CAST: variants seen among roughly 807,000 people sequenced by gnomAD.
CAST encodes the protein calpastatin.
Under a neutral mutation model 119.6 loss-of-function variants are expected in CAST, and 76 were observed. The ratio of observed to expected loss-of-function variants is 0.64; its 90% CI spans 0.53 to 0.77. CAST has a LOEUF of 0.77. Among genes scored for constraint, CAST ranks in the 30% least tolerant of loss-of-function variants. CAST has a pLI of 0.00. For missense variants in CAST, 953 were observed against 946.5 expected (o/e 1.01, Z -0.09); for synonymous variants, 319 against 331.6 (o/e 0.96, Z 0.41).
the CAST span, among the ~76,000 whole-genome samples, chr5:96,375,903 A>G: frequency 2.0e-5 from 3 of 147,038 alleles, no homozygotes; most frequent in Non-Finnish European, 4.5e-5. Flanking sequence ...CTCTCTCTAT[A>G]TATATATATA....
chr5:96,670,244 T>A (rs184432556), intron 1 of CAST, among the ~76,000 whole-genome samples: 2 of 152,184 alleles, frequency 1.3e-5, no homozygotes, highest in African/African-American at 4.8e-5. Context: ...TTCAAATAAA[T>A]CACCCACCAA....
the CAST span, among the ~76,000 whole-genome samples, chr5:96,360,578 G>A: frequency 6.6e-5 from 10 of 152,204 alleles, no homozygotes; most frequent in South Asian, 8.3e-4. Context: ...TCCTCCTGAC[G>A]GTCAGGCTCC....
the CAST span, among the ~76,000 whole-genome samples, chr5:96,258,849 G>A: frequency 6.6e-6 from 1 of 152,208 alleles, no homozygotes; most frequent in Admixed American, 6.5e-5. Context: ...GGCCACATTT[G>A]AAGAGTATAA....
At chr5:96,762,488 C>T in intron 25 of CAST, 116 bp downstream of exon 25, 1 of 634,530 alleles carries the variant, frequency 1.6e-6, no homozygotes, top group Non-Finnish European at 2.7e-6. Flanking sequence ...GAAGATCAGG[C>T]ACCTTCTATT....
chr5:96,204,793 T>C, the CAST span, among the ~76,000 whole-genome samples: 2 of 151,974 alleles, frequency 1.3e-5, no homozygotes, highest in African/African-American at 4.8e-5. Context: ...ACAGTGGTAA[T>C]ACCATATCAG....
chr5:96,167,387 T>G, the CAST span, among the ~76,000 whole-genome samples: 2 of 152,128 alleles, frequency 1.3e-5, no homozygotes, highest in Middle Eastern at 6.3e-3. Context: ...ACAAGTTTTT[T>G]GGGGCGCAGT....
the CAST span, among the ~76,000 whole-genome samples, chr5:96,352,138 C>G: frequency 1.6e-4 from 25 of 152,262 alleles, no homozygotes; most frequent in African/African-American, 6.0e-4. Context: ...CATGAAGAGC[C>G]TTTCTCCAAG....
chr5:96,232,495 T>A, the CAST span, among the ~76,000 whole-genome samples: 1 of 152,170 alleles, frequency 6.6e-6, no homozygotes, highest in South Asian at 2.1e-4. Context: ...TTGGAAAACC[T>A]AAGAAAATCT....
chr5:96,173,521 G>A, the CAST span, among the ~76,000 whole-genome samples: 1 of 152,200 alleles, frequency 6.6e-6, no homozygotes, highest in Non-Finnish European at 1.5e-5. Flanking sequence ...ATACCCTCAT[G>A]TAGTAATACC....
At chr5:96,395,162 G>T in the CAST span, 1 of 742,688 alleles carries the variant, frequency 1.3e-6, no homozygotes, top group Non-Finnish European at 2.3e-6. Flanking sequence ...GAAACCATTG[G>T]ATCCACTCTT....
the CAST span, among the ~76,000 whole-genome samples, chr5:96,243,049 A>G: frequency 2.6e-5 from 4 of 152,336 alleles, no homozygotes; most frequent in East Asian, 7.7e-4. Flanking sequence ...AATTTGTAAC[A>G]TAAATCTTGG....
chr5:96,599,571 G>C (rs17086339), intron 1 of CAST, among the ~76,000 whole-genome samples: 12,121 of 152,014 alleles, frequency 0.08, 892 homozygotes, highest in East Asian at 0.3. Flanking sequence ...TCATTCTTCA[G>C]GCCATCATGA....
At chr5:96,420,765 AAG>A in the CAST span, among the ~76,000 whole-genome samples, 1 of 145,602 alleles carries the variant, frequency 6.9e-6, no homozygotes, top group Non-Finnish European at 1.5e-5. Flanking sequence ...GGGAGGAAGG[AAG>A]AGAGGGAGAG....
the CAST span, among the ~76,000 whole-genome samples, chr5:96,205,313 CTCTT>C: frequency 6.6e-6 from 1 of 151,988 alleles, no homozygotes; most frequent in African/African-American, 2.4e-5. Flanking sequence ...AGTCTAAGAA[CTCTT>C]TCTTTAAACT....
chr5:96,394,794 T>C, the CAST span: 1 of 1,437,938 alleles, frequency 7.0e-7, no homozygotes. Flanking sequence ...GGAAGTTGGG[T>C]ACAGCTTCAC....
intron 12 of CAST, 124 bp downstream of exon 12, chr5:96,740,242 A>G (rs1052136014): frequency 1.9e-4 from 117 of 606,708 alleles, no homozygotes; most frequent in Non-Finnish European, 2.3e-4. Context: ...TGTCATTACT[A>G]TGAAGCTCGC....
the CAST span, among the ~76,000 whole-genome samples, chr5:96,044,748 G>A: frequency 2.0e-4 from 31 of 152,102 alleles, no homozygotes; most frequent in Non-Finnish European, 3.8e-4. Context: ...AATAAATGGT[G>A]ACATAGTCAC....
chr5:96,034,544 A>G, the CAST span, among the ~76,000 whole-genome samples: 1 of 148,582 alleles, frequency 6.7e-6, no homozygotes, highest in Admixed American at 6.8e-5. Context: ...ATATTCCATT[A>G]TATATATATA....
At chr5:96,246,719 C>A in the CAST span, among the ~76,000 whole-genome samples, 2 of 152,308 alleles carry the variant, frequency 1.3e-5, no homozygotes, top group South Asian at 4.1e-4. Context: ...CAGCTTCACT[C>A]CCCAGTAATT....
Sources: gnomAD v4.1 joint callset for allele counts (sites outside exome capture counted in the v4.1 genomes callset) on GRCh38, gnomAD v4.1.1 for gene constraint, MANE v1.5 for transcripts, NCBI Gene and HGNC (gene_info 2026-07-23, HGNC 2026-07-21) for gene names.